NEMP2: variants seen among roughly 807,000 people sequenced by gnomAD.
The protein encoded by NEMP2 is nuclear envelope integral membrane protein 2.
In NEMP2, 53 loss-of-function variants were observed where a neutral mutation model predicts 54.2. That is an observed-to-expected ratio of 0.98 (90% CI 0.78 to 1.23). The LOEUF (loss-of-function observed/expected upper bound fraction) is 1.23. Ranked by LOEUF, NEMP2 falls within the 50% of genes most tolerant of loss-of-function variation. The probability of loss-of-function intolerance (pLI) is 0.00; values close to 1 mark genes in which losing one functional copy is unlikely to be tolerated. For missense variants in NEMP2, 455 were observed against 511.3 expected, an observed-to-expected ratio of 0.89 and a Z score of 1.06; for synonymous variants, 197 against 190.3, an observed-to-expected ratio of 1.04 and a Z score of -0.29.
the NEMP2 span, among the ~76,000 whole-genome samples, chr2:190,424,933 G>A: frequency 6.6e-6 from 1 of 152,124 alleles, no homozygotes; most frequent in East Asian, 1.9e-4. The surrounding 1 kb of genome is among the most constrained non-coding windows in gnomAD (Gnocchi z 5.9). Context: ...ATATGTTGCT[G>A]AGATTTTGAT....
At chr2:190,570,530 G>A in the NEMP2 span, among the ~76,000 whole-genome samples, 1 of 152,220 alleles carries the variant, frequency 6.6e-6, no homozygotes, top group Non-Finnish European at 1.5e-5. The surrounding 1 kb of genome is among the most constrained non-coding windows in gnomAD (Gnocchi z 5.4). Context: ...TTAGCAGGAA[G>A]CTAAGCCTCC....
At position 190,518,647 on chromosome 2, in the gene NEMP2, C is replaced by A. The variant is rs990871106; in HGVS notation, c.518+89G>T. ...ACCTAAAGTAAGAACTACAAATGCACAATAGTGTGAAAATACTTAGCATGT... is the reference window on the plus strand; with the variant it reads ...ACCTAAAGTAAGAACTACAAATGCAAAATAGTGTGAAAATACTTAGCATGT... On this transcript the variant is annotated intron_variant, in intron 4 of 8. Coordinates refer to ENST00000409150, the MANE Select transcript of NEMP2 (RefSeq NM_001142645.2). 1.5e-5 allele frequency: 16 copies of A among 1,095,322 alleles called. No homozygotes were observed. The South Asian group carries it at 2.6e-4, about 18-fold the overall frequency. 67.9% of individuals were successfully genotyped at this position (1,095,322 alleles called of 1,614,324 possible). A position where few individuals can be genotyped will look rare whatever the true frequency, so the allele number is the denominator to read the frequency against.
At chr2:190,454,994 ATGTATAATGTAT>A in the NEMP2 span, among the ~76,000 whole-genome samples, 9 of 69,502 alleles carry the variant, frequency 1.3e-4, no homozygotes, top group African/African-American at 2.5e-4. The surrounding 1 kb of genome is among the most constrained non-coding windows in gnomAD (Gnocchi z 4.6). Flanking sequence ...GTATATGTAT[ATGTATAATGTAT>A]ATGTATATGT....
At chr2:190,565,873 T>G in the NEMP2 span, among the ~76,000 whole-genome samples, 1 of 152,202 alleles carries the variant, frequency 6.6e-6, no homozygotes, top group Non-Finnish European at 1.5e-5. Context: ...GACACCCACA[T>G]GTACAAAGAA....
chr2:190,633,477 C>A, the NEMP2 span, among the ~76,000 whole-genome samples: 10 of 152,024 alleles, frequency 6.6e-5, no homozygotes, highest in African/African-American at 2.4e-4. Flanking sequence ...CCATGCCCAG[C>A]TAATTTTTGT....
chr2:190,609,320 A>G, the NEMP2 span: 1 of 152,180 alleles, frequency 6.6e-6, no homozygotes, highest in African/African-American at 2.4e-5. The surrounding 1 kb of genome is among the most constrained non-coding windows in gnomAD (Gnocchi z 4.7). Context: ...CAGTAAGTTT[A>G]CTTAATCTAA....
At chr2:190,545,944 A>G in the NEMP2 span, among the ~76,000 whole-genome samples, 3 of 152,206 alleles carry the variant, frequency 2.0e-5, no homozygotes. Context: ...ATTGCTGGTC[A>G]TAGGAGTGGA....
At chr2:190,547,364 T>C in the NEMP2 span, among the ~76,000 whole-genome samples, 1 of 152,230 alleles carries the variant, frequency 6.6e-6, no homozygotes, top group Non-Finnish European at 1.5e-5. This position sits in a 1 kb window ranked among gnomAD's most constrained non-coding sequence, Gnocchi z 6.2. Flanking sequence ...TTCTAAACTT[T>C]GACAAATGTA....
At chr2:190,565,294 T>C in the NEMP2 span, among the ~76,000 whole-genome samples, 3 of 152,198 alleles carry the variant, frequency 2.0e-5, no homozygotes, top group South Asian at 4.1e-4. Flanking sequence ...GGTTGGATTA[T>C]CTGTGCTCTC....
the NEMP2 span, among the ~76,000 whole-genome samples, chr2:190,632,066 AAAAAG>A: frequency 9.7e-4 from 147 of 152,316 alleles, no homozygotes; most frequent in South Asian, 0.016. The surrounding 1 kb of genome is among the most constrained non-coding windows in gnomAD (Gnocchi z 4.8). Flanking sequence ...CAAAAAAAGA[AAAAAG>A]AAAAGAAAAG....
the NEMP2 span, among the ~76,000 whole-genome samples, chr2:190,428,332 T>A: frequency 2.6e-5 from 4 of 152,314 alleles, no homozygotes; most frequent in African/African-American, 9.6e-5. Context: ...AATATACATA[T>A]CTTTTGGTTG....
the NEMP2 span, chr2:190,628,308 A>C: frequency 2.0e-5 from 3 of 152,184 alleles, no homozygotes; most frequent in African/African-American, 7.2e-5. This position sits in a 1 kb window ranked among gnomAD's most constrained non-coding sequence, Gnocchi z 4.1. Flanking sequence ...CTTGAAGCAG[A>C]CGTCAATGGG....
intron 5 of NEMP2, among the ~76,000 whole-genome samples, chr2:190,516,756 A>C (rs1690571913): frequency 6.6e-6 from 1 of 152,194 alleles, no homozygotes; most frequent in Admixed American, 6.5e-5. Flanking sequence ...AACACTACCA[A>C]CATGAATTAT....
At chr2:190,583,628 C>T in the NEMP2 span, among the ~76,000 whole-genome samples, 1 of 152,184 alleles carries the variant, frequency 6.6e-6, no homozygotes, top group African/African-American at 2.4e-5. Flanking sequence ...AGATTTGCAT[C>T]TCCTGCTATC....
chr2:190,597,462 A>G, the NEMP2 span, among the ~76,000 whole-genome samples: 3 of 152,090 alleles, frequency 2.0e-5, no homozygotes, highest in Non-Finnish European at 2.9e-5. This position sits in a 1 kb window ranked among gnomAD's most constrained non-coding sequence, Gnocchi z 4.7. Context: ...CCACAAAATA[A>G]CTTTCTTGGA....
At chr2:190,487,829 T>C in the NEMP2 span, among the ~76,000 whole-genome samples, 1 of 152,224 alleles carries the variant, frequency 6.6e-6, no homozygotes, top group South Asian at 2.1e-4. The surrounding 1 kb of genome is among the most constrained non-coding windows in gnomAD (Gnocchi z 5.5). Flanking sequence ...GGAAAAAAGG[T>C]AGTTCCTCAA....
chr2:190,640,950 C>T, the NEMP2 span: 2 of 152,042 alleles, frequency 1.3e-5, no homozygotes, highest in African/African-American at 4.8e-5. Flanking sequence ...CTGACACTTA[C>T]CTCTTGCAAT....
chr2:190,428,845 TTA>T, the NEMP2 span, among the ~76,000 whole-genome samples: 2 of 151,736 alleles, frequency 1.3e-5, no homozygotes, highest in Non-Finnish European at 1.5e-5. Flanking sequence ...GCTAATTTTT[TTA>T]GTTTTAATAG....
the NEMP2 span, chr2:190,437,089 C>T: frequency 1.9e-6 from 3 of 1,614,240 alleles, no homozygotes; most frequent in Non-Finnish European, 2.5e-6. This position sits in a 1 kb window ranked among gnomAD's most constrained non-coding sequence, Gnocchi z 5.9. Context: ...CATCGAAGTG[C>T]TCATCGATGG....
Sources: allele counts gnomAD v4.1 joint callset (sites outside exome capture counted in the v4.1 genomes callset), GRCh38; gene constraint gnomAD v4.1.1; non-coding constraint Gnocchi (gnomAD v3.1); transcripts MANE v1.5; gene names NCBI Gene and HGNC (gene_info 2026-07-23, HGNC 2026-07-21).